BTBD2: variants seen among roughly 807,000 people sequenced by gnomAD.
BTBD2 encodes the protein BTB domain containing 2, also known as BTB/POZ domain-containing protein 2.
In BTBD2, 15 loss-of-function variants were observed where a neutral mutation model predicts 44.0. The ratio of observed to expected loss-of-function variants is 0.34; its 90% CI spans 0.23 to 0.53. The LOEUF (loss-of-function observed/expected upper bound fraction) is 0.53, where lower values mean the gene tolerates loss of function less well. BTBD2 is among the 20% of genes least tolerant of loss of function. BTBD2 has a pLI of 0.95. For missense variants in BTBD2, 657 were observed against 746.4 expected (o/e 0.88, Z 1.39); for synonymous variants, 443 against 335.9 (o/e 1.32, Z -3.49).
At position 2,000,231 on chromosome 19, in the gene BTBD2, G is replaced by C. The variant is rs184975510; in HGVS notation, c.408-2768C>G. Among the ~76,000 whole-genome samples, 492 of 152,244 alleles carry C rather than the reference G, an allele frequency of 3.2e-3. 5 individuals carry two copies. Among genetic ancestry groups the C allele is most frequent in the Non-Finnish European group, 3.6e-3 (248 of 68,006 alleles). ...TGGGCATTGGGACTGCCGCCCGCCCGTCTGCCCTCCTGGCCGCGTCCTCAA... is the reference window on the plus strand; with the variant it reads ...TGGGCATTGGGACTGCCGCCCGCCCCTCTGCCCTCCTGGCCGCGTCCTCAA... On this transcript the variant is annotated intron_variant, in intron 1 of 8. Coordinates refer to ENST00000255608, the MANE Select transcript of BTBD2 (RefSeq NM_017797.4).
chr19:2,008,152 C>A (rs1183016090), intron 1 of BTBD2, among the ~76,000 whole-genome samples: 1 of 151,916 alleles, frequency 6.6e-6, no homozygotes, highest in Non-Finnish European at 1.5e-5. Context: ...TTACAGGCAC[C>A]TGCCACCACG....
At chr19:1,987,097 G>A (rs1229976770) in intron 7 of BTBD2, 69 bp downstream of exon 7, 2 of 1,597,012 alleles carry the variant, frequency 1.3e-6, no homozygotes, top group African/African-American at 2.7e-5. Context: ...GGTTCAGCCA[G>A]GGTTCCATGG....
Position 1,998,324 on chromosome 19 carries a change from G to A in BTBD2, c.408-861C>T, listed in dbSNP as rs571414586. Among the ~76,000 whole-genome samples the A allele has an allele frequency of 3.9e-5, 6 of 152,362 alleles. No homozygotes were observed. The South Asian group carries it at 1.2e-3, about 32-fold the overall frequency. ...CCACTGAGTGAGAGAAGAGAGAGGA[G>A]CGTGGTCCCATCAGGAACGCAAGGC... On this transcript the variant is annotated intron_variant, in intron 1 of 8. Coordinates refer to ENST00000255608, the MANE Select transcript of BTBD2 (RefSeq NM_017797.4).
intron 1 of BTBD2, chr19:2,013,810 G>T: frequency 2.7e-6 from 1 of 370,866 alleles, no homozygotes; most frequent in Non-Finnish European, 3.7e-6. Context: ...TCTGGAGGCA[G>T]CAGGGAGGAC....
intron 3 of BTBD2, chr19:1,991,166 G>C (rs2016171813): frequency 4.4e-6 from 1 of 226,590 alleles, no homozygotes; most frequent in Non-Finnish European, 8.9e-6. Flanking sequence ...AGGACCCCGA[G>C]TGGCAGGCAG....
chr19:1,992,970 G>T, intron 3 of BTBD2, 50 bp downstream of exon 3: 1 of 231,586 alleles, frequency 4.3e-6, no homozygotes. Context: ...CCCCGGCCCC[G>T]CCTCCAGCCA....
At chr19:1,998,579 C>T (rs148611655) in intron 1 of BTBD2, among the ~76,000 whole-genome samples, 60 of 152,250 alleles carry the variant, frequency 3.9e-4, no homozygotes, top group Admixed American at 2.3e-3. Flanking sequence ...CAGGAGGGTG[C>T]GGTGAGCAGA....
intron 1 of BTBD2, among the ~76,000 whole-genome samples, chr19:2,010,917 C>T (rs1463915165): frequency 6.6e-6 from 1 of 152,174 alleles, no homozygotes; most frequent in Non-Finnish European, 1.5e-5. Context: ...GGATGATAGG[C>T]GTGAGCCACT....
At position 1,987,614 on chromosome 19, in the gene BTBD2, C is replaced by G; in HGVS notation, c.1067G>C (p.Arg356Pro). 6.2e-7 allele frequency: 1 copy of G among 1,612,736 alleles called. No individual in the cohort carries two copies. Among genetic ancestry groups the G allele is most frequent in the South Asian group, 1.1e-5 (1 of 90,962 alleles). The change falls in exon 6 of 9, where the codon CGA (arginine) becomes CCA (proline). Residue 356 changes from arginine (R) to proline (P), a missense_variant. By Grantham distance (103) the Arg-to-Pro change is moderately radical (BLOSUM62 -2). Around this residue, in one of 3 missense-constraint regions of BTBD2, gnomAD observed 449 missense variants for 510.9 expected, o/e 0.88. Coordinates refer to ENST00000255608, the MANE Select transcript of BTBD2 (RefSeq NM_017797.4). ...FLHFTVNPKP[R>P]VEFIDRPRCC... ...GCGGGGCCGGTCAATGAACTCCACT[C>G]GTGGCTTGGGGTTGACGGTGAAGTG...
intron 1 of BTBD2, among the ~76,000 whole-genome samples, chr19:2,000,354 C>T (rs79518418): frequency 0.029 from 4,384 of 152,310 alleles, 218 homozygotes; most frequent in African/African-American, 0.097. Context: ...AGTACCTGTG[C>T]GTGGGACTTC....
chr19:1,995,596 T>A (rs1363377724), intron 2 of BTBD2, among the ~76,000 whole-genome samples: 1 of 151,286 alleles, frequency 6.6e-6, no homozygotes, highest in Non-Finnish European at 1.5e-5. Context: ...TGGATTCTTC[T>A]AAGTATTTTA....
At chr19:2,005,513 G>T (rs1003085016) in intron 1 of BTBD2, among the ~76,000 whole-genome samples, 12 of 152,202 alleles carry the variant, frequency 7.9e-5, no homozygotes, top group African/African-American at 1.9e-4. Context: ...CAGGCGCAGT[G>T]GCTCATGTCT....
intron 1 of BTBD2, among the ~76,000 whole-genome samples, chr19:2,010,464 G>A (rs1231906553): frequency 1.3e-5 from 2 of 152,082 alleles, no homozygotes; most frequent in Non-Finnish European, 2.9e-5. Flanking sequence ...CCACCACCAA[G>A]GCCTGCTCCC....
Position 1,999,826 on chromosome 19 carries a change from G to T in BTBD2, c.408-2363C>A, listed in dbSNP as rs369039300. ...AAAATACAAAAATTAGCTGGGCGTGGTGGTGGGTGCCTGTAATCCCAGCTA... is the reference window on the plus strand; with the variant it reads ...AAAATACAAAAATTAGCTGGGCGTGTTGGTGGGTGCCTGTAATCCCAGCTA... On this transcript the variant is annotated intron_variant, in intron 1 of 8. Coordinates refer to ENST00000255608, the MANE Select transcript of BTBD2 (RefSeq NM_017797.4). Among the ~76,000 whole-genome samples the T allele has an allele frequency of 4.3e-4, 65 of 152,120 alleles. 2 individuals carry two copies. In the South Asian group the frequency reaches 6.2e-3, roughly 15 times the overall value.
intron 2 of BTBD2, among the ~76,000 whole-genome samples, chr19:1,996,041 C>G (rs1029918891): frequency 6.6e-6 from 1 of 152,038 alleles, no homozygotes; most frequent in Non-Finnish European, 1.5e-5. Flanking sequence ...TCTAGTTGTG[C>G]CTGTGCTATT....
intron 1 of BTBD2, chr19:2,002,497 T>C (rs1306432719): frequency 6.6e-6 from 1 of 152,250 alleles, no homozygotes. Flanking sequence ...GCAACAGGCA[T>C]CTGACGTGGG....
At chr19:1,997,596 C>T in intron 1 of BTBD2, 133 bp from the exon 2 acceptor site, 1 of 1,346,398 alleles carries the variant, frequency 7.4e-7, no homozygotes. Flanking sequence ...TACCAGGCCC[C>T]CCGATGGCAG....
chr19:1,987,813 G>T, intron 5 of BTBD2, 121 bp from the exon 6 acceptor site: 1 of 1,042,872 alleles, frequency 9.6e-7, no homozygotes, highest in Non-Finnish European at 1.4e-6. Flanking sequence ...CAGGGACCTG[G>T]GCAGCCCCTC....
intron 5 of BTBD2, 30 bp downstream of exon 5, chr19:1,989,974 A>G: frequency 6.2e-7 from 1 of 1,610,964 alleles, no homozygotes; most frequent in Non-Finnish European, 8.5e-7. Flanking sequence ...CTCCCCTCCC[A>G]AACCAGCCCC....
Sources: gnomAD v4.1 joint callset for allele counts (sites outside exome capture counted in the v4.1 genomes callset) on GRCh38, gnomAD v4.1.1 for gene constraint, gnomAD v4.1.1 regional missense constraint, MANE v1.5 for transcripts, NCBI Gene and HGNC (gene_info 2026-07-23, HGNC 2026-07-21) for gene names.